GSK3B: variants seen among roughly 807,000 people sequenced by gnomAD.
GSK3B encodes glycogen synthase kinase 3 beta, also known as glycogen synthase kinase-3 beta.
In GSK3B, 15 loss-of-function variants were observed where a neutral mutation model predicts 56.4. That is an observed-to-expected ratio of 0.27 (90% CI 0.18 to 0.41). The LOEUF is 0.41. GSK3B is among the 10% of genes least tolerant of loss of function. GSK3B has a pLI of 1.00. For missense variants in GSK3B, 300 were observed against 513.4 expected (o/e 0.58, Z 4.02); for synonymous variants, 181 against 188.9 (o/e 0.96, Z 0.34).
intron 2 of GSK3B, among the ~76,000 whole-genome samples, chr3:119,952,345 G>A (rs148558464): frequency 0.032 from 4,877 of 151,574 alleles, 246 homozygotes; most frequent in African/African-American, 0.11. Flanking sequence ...AAAATTAGCC[G>A]GGTGTGGTGG....
intron 2 of GSK3B, among the ~76,000 whole-genome samples, chr3:119,983,531 GAA>G (rs60451245): frequency 7.9e-6 from 1 of 126,782 alleles, no homozygotes. Context: ...CAAATGGAGA[GAA>G]AAAAAAAAAA....
At chr3:119,948,395 A>T (rs2057121093) in intron 2 of GSK3B, among the ~76,000 whole-genome samples, 1 of 152,182 alleles carries the variant, frequency 6.6e-6, no homozygotes, top group Admixed American at 6.5e-5. Context: ...AGCAGAAGTG[A>T]ATGTTCCTTT....
At chr3:119,877,845 A>C (rs1277933043) in intron 7 of GSK3B, among the ~76,000 whole-genome samples, 1 of 152,234 alleles carries the variant, frequency 6.6e-6, no homozygotes, top group African/African-American at 2.4e-5. Context: ...TGACAGGAAG[A>C]AACATTAAAT....
At chr3:119,972,651 G>C (rs967674817) in intron 2 of GSK3B, among the ~76,000 whole-genome samples, 1 of 152,100 alleles carries the variant, frequency 6.6e-6, no homozygotes. Context: ...TAGCCGGGAT[G>C]TTCTCGATCT....
chr3:119,851,109 A>G (rs578150252), intron 9 of GSK3B, among the ~76,000 whole-genome samples: 1 of 152,358 alleles, frequency 6.6e-6, no homozygotes, highest in Admixed American at 6.5e-5. Context: ...AAATGTTTTG[A>G]TGGTGCATCA....
intron 4 of GSK3B, among the ~76,000 whole-genome samples, chr3:119,919,318 A>AT (rs1330833255): frequency 6.6e-6 from 1 of 152,186 alleles, no homozygotes; most frequent in Non-Finnish European, 1.5e-5. Context: ...TACTACTTTT[A>AT]TATCGCTCTC....
At chr3:120,045,552 G>T (rs746920605) in intron 1 of GSK3B, among the ~76,000 whole-genome samples, 1 of 152,034 alleles carries the variant, frequency 6.6e-6, no homozygotes, top group African/African-American at 2.4e-5. Flanking sequence ...TAAATTGTGC[G>T]GTTCAACCCC....
chr3:119,927,438 C>G (rs2056898916), intron 3 of GSK3B, among the ~76,000 whole-genome samples: 1 of 151,938 alleles, frequency 6.6e-6, no homozygotes, highest in African/African-American at 2.4e-5. Flanking sequence ...AGCGGGAAGG[C>G]AGGGTAGGTA....
At chr3:119,946,055 C>T (rs553451093) in intron 3 of GSK3B, among the ~76,000 whole-genome samples, 17 of 151,300 alleles carry the variant, frequency 1.1e-4, no homozygotes, top group Non-Finnish European at 2.1e-4. Context: ...GGTTCACAAT[C>T]CCTAGTAAAC....
At chr3:120,078,088 C>A (rs2058381982) in intron 1 of GSK3B, among the ~76,000 whole-genome samples, 1 of 152,114 alleles carries the variant, frequency 6.6e-6, no homozygotes, top group Admixed American at 6.5e-5. Flanking sequence ...TCATTAACAG[C>A]ATCCAGAGAA....
At chr3:119,853,271 C>T (rs1018411126) in intron 9 of GSK3B, among the ~76,000 whole-genome samples, 1 of 152,084 alleles carries the variant, frequency 6.6e-6, no homozygotes, top group Non-Finnish European at 1.5e-5. Flanking sequence ...TGTTCTGTTC[C>T]ATTGGTCTAT....
intron 1 of GSK3B, among the ~76,000 whole-genome samples, chr3:120,019,276 G>A (rs2057852706): frequency 6.6e-6 from 1 of 151,820 alleles, no homozygotes; most frequent in Admixed American, 6.6e-5. Flanking sequence ...TACTGAAACA[G>A]TTCATATAAA....
chr3:119,896,065 C>A (rs2056559652), intron 7 of GSK3B, among the ~76,000 whole-genome samples: 1 of 149,754 alleles, frequency 6.7e-6, no homozygotes, highest in African/African-American at 2.5e-5. Flanking sequence ...AAGGTGCAGG[C>A]TACAGTAAGC....
chr3:119,826,556 A>AACCCCCC lies in GSK3B; in HGVS notation c.*231_*232insGGGGGGT. 1.7e-6 allele frequency: 1 copy of AACCCCCC among 580,978 alleles called. No homozygotes were observed. The highest frequency in any genetic ancestry group is 3.2e-6 in the Non-Finnish European group (1 of 315,918). The allele number at this position is 580,978 out of a possible 1,614,324, so 36.0% of individuals were successfully genotyped here. ...GTGCTCCGCTTTCCCCCTCCCCACAACCCCTCCCACCCCCTGGATCTCCCT... is the reference window on the plus strand; with the variant it reads ...GTGCTCCGCTTTCCCCCTCCCCACAAACCCCCCCCCCTCCCACCCCCTGGATCTCCCT... On this transcript the variant is annotated 3_prime_UTR_variant, in exon 11 of 11. Coordinates refer to ENST00000264235, the MANE Select transcript of GSK3B (RefSeq NM_001146156.2).
intron 7 of GSK3B, among the ~76,000 whole-genome samples, chr3:119,890,737 TA>T (rs1176901153): frequency 8.0e-6 from 1 of 125,412 alleles, no homozygotes; most frequent in Admixed American, 7.4e-5. Flanking sequence ...TAACTTGATT[TA>T]AAAAGTAAAA....
chr3:119,983,995 C>T (rs960529118), intron 2 of GSK3B, among the ~76,000 whole-genome samples: 3 of 152,034 alleles, frequency 2.0e-5, no homozygotes, highest in Admixed American at 1.3e-4. Flanking sequence ...ACAGAAAGCA[C>T]AACAAACTGT....
intron 10 of GSK3B, among the ~76,000 whole-genome samples, chr3:119,832,245 T>C (rs1366226161): frequency 6.6e-6 from 1 of 152,238 alleles, no homozygotes; most frequent in East Asian, 1.9e-4. Flanking sequence ...GCTTCCTGCA[T>C]ACAGGCAGCA....
Position 119,843,326 on chromosome 3 carries a change from G to T in GSK3B, c.1124C>A (p.Thr375Asn), listed in dbSNP as rs760284146. 1.2e-6 allele frequency: 2 copies of T among 1,609,120 alleles called. No homozygotes were observed. Among genetic ancestry groups the T allele is most frequent in the Non-Finnish European group, 1.7e-6 (2 of 1,176,062 alleles). ...CCGAGCATGAGGAGGAATAAGGATG[G>T]TAGCCAGAGGTGGATTACTTGACAG... The part of the protein sequence containing the change: ...QELSSNPPLA[T>N]ILIPPHARIQ... Residue 375 changes from threonine to asparagine, a missense_variant, in exon 10 of 11, where the codon ACC becomes AAC. Thr to Asn is a moderately conservative substitution (Grantham distance 65). Around this residue, in one of 6 missense-constraint regions of GSK3B, gnomAD observed 88 missense variants for 92.7 expected, o/e 0.95. Transcript: ENST00000264235.
At chr3:120,048,882 T>C (rs1250594123) in intron 1 of GSK3B, among the ~76,000 whole-genome samples, 1 of 152,202 alleles carries the variant, frequency 6.6e-6, no homozygotes, top group Non-Finnish European at 1.5e-5. Flanking sequence ...GTCACTTATA[T>C]TTGCACTACA....
Sources: allele counts gnomAD v4.1 joint callset (sites outside exome capture counted in the v4.1 genomes callset), GRCh38; gene constraint gnomAD v4.1.1; regional missense constraint gnomAD v4.1.1; transcripts MANE v1.5; gene names NCBI Gene and HGNC (gene_info 2026-07-23, HGNC 2026-07-21).